ATP10B: variants seen among roughly 807,000 people sequenced by gnomAD.
The protein encoded by ATP10B is ATPase phospholipid transporting 10B (putative), also known as phospholipid-transporting ATPase VB.
In ATP10B, 122 loss-of-function variants were observed where a neutral mutation model predicts 141.2. The observed-to-expected ratio is 0.86, with a 90% CI of 0.75 to 1.00. The LOEUF (loss-of-function observed/expected upper bound fraction) is 1.00, where lower values mean the gene tolerates loss of function less well. ATP10B is among the 50% of genes least tolerant of loss of function. The pLI is 0.00. For missense variants in ATP10B, 1,876 were observed against 1,825.3 expected (o/e 1.03, Z -0.51); for synonymous variants, 685 against 692.0 (o/e 0.99, Z 0.16).
rs1394175567 is a variant in ATP10B at position 160,685,106 on chromosome 5, G to A, written c.470+973C>T. ...TTGCTGGTCTTGATTTGATTCCCAC[G>A]ATGATGTCTGTTGGGGTTCTCTTTG... On this transcript the variant is annotated intron_variant, in intron 6 of 25. Coordinates refer to ENST00000327245, the MANE Select transcript of ATP10B (RefSeq NM_025153.3). The A allele has an allele frequency of 4.3e-6, 3 of 703,408 alleles. No homozygotes were observed. The East Asian group carries it at 8.0e-5, about 19-fold the overall frequency. 43.6% of individuals were successfully genotyped at this position (703,408 alleles called of 1,614,324 possible). A position where few individuals can be genotyped will look rare whatever the true frequency, so the allele number is the denominator to read the frequency against.
At chr5:160,591,891 G>T (rs564298409) in intron 22 of ATP10B, among the ~76,000 whole-genome samples, 3 of 152,260 alleles carry the variant, frequency 2.0e-5, no homozygotes, top group Non-Finnish European at 4.4e-5. Flanking sequence ...TCTCCTCTTG[G>T]CTTTGGGCTA....
At chr5:160,911,129 C>A in the ATP10B span, among the ~76,000 whole-genome samples, 1 of 152,210 alleles carries the variant, frequency 6.6e-6, no homozygotes, top group Admixed American at 6.5e-5. Context: ...GTGGTAGAGG[C>A]TGACTTTCAA....
At chr5:160,683,046 A>ACCCCC (rs1561748531) in intron 6 of ATP10B, among the ~76,000 whole-genome samples, 134 of 146,380 alleles carry the variant, frequency 9.2e-4, no homozygotes, top group Middle Eastern at 3.4e-3. Context: ...CCCCCAAAAA[A>ACCCCC]AAAAAAAAAA....
chr5:160,627,130 TG>T (rs1292460323), intron 13 of ATP10B, among the ~76,000 whole-genome samples: 1 of 152,186 alleles, frequency 6.6e-6, no homozygotes. Context: ...CCTCACTAGG[TG>T]GTCTCCTTAT....
At chr5:160,707,054 A>T (rs752032658) in intron 3 of ATP10B, among the ~76,000 whole-genome samples, 2 of 151,998 alleles carry the variant, frequency 1.3e-5, no homozygotes, top group Non-Finnish European at 1.5e-5. Context: ...AGGTTCAAGC[A>T]ATTCTCCCAC....
intron 17 of ATP10B, chr5:160,613,969 T>G (rs1757864123): frequency 6.6e-6 from 1 of 152,026 alleles, no homozygotes; most frequent in Admixed American, 6.6e-5. Context: ...TTACGTTGGA[T>G]GCATATTGAA....
At chr5:160,880,690 GA>G in the ATP10B span, among the ~76,000 whole-genome samples, 1 of 152,042 alleles carries the variant, frequency 6.6e-6, no homozygotes, top group Non-Finnish European at 1.5e-5. Flanking sequence ...TAATACAATG[GA>G]ACAAAGACTG....
At chr5:160,577,519 G>A (rs1755267066) in intron 24 of ATP10B, among the ~76,000 whole-genome samples, 1 of 152,184 alleles carries the variant, frequency 6.6e-6, no homozygotes, top group African/African-American at 2.4e-5. Context: ...ACTTAAGACA[G>A]ATCATTATTG....
At chr5:160,674,244 G>A (rs372446363) in intron 6 of ATP10B, among the ~76,000 whole-genome samples, 1 of 152,176 alleles carries the variant, frequency 6.6e-6, no homozygotes, top group African/African-American at 2.4e-5. Context: ...CAAGGCCAAT[G>A]CACCTCCACC....
At chr5:160,900,907 AG>A in the ATP10B span, among the ~76,000 whole-genome samples, 32 of 98,124 alleles carry the variant, frequency 3.3e-4, no homozygotes, top group African/African-American at 9.7e-4. Context: ...GGGGTAGAGA[AG>A]TTTTTTTTTT....
At chr5:160,728,348 C>T (rs1170144543) in intron 2 of ATP10B, among the ~76,000 whole-genome samples, 1 of 152,146 alleles carries the variant, frequency 6.6e-6, no homozygotes, top group Non-Finnish European at 1.5e-5. Flanking sequence ...CTTAACAAAC[C>T]TCTATTGATT....
chr5:160,650,002 G>A (rs888876817), intron 7 of ATP10B, among the ~76,000 whole-genome samples: 2 of 151,664 alleles, frequency 1.3e-5, no homozygotes, highest in East Asian at 1.9e-4. Context: ...TCAGCTACTC[G>A]GGAGGCTGAG....
chr5:160,809,424 T>TTA (rs1561876790), intron 1 of ATP10B, among the ~76,000 whole-genome samples: 2 of 152,156 alleles, frequency 1.3e-5, no homozygotes, highest in Non-Finnish European at 2.9e-5. Context: ...CACGTAATAA[T>TTA]TATATATATT....
chr5:160,878,697 C>T, the ATP10B span, among the ~76,000 whole-genome samples: 1 of 152,264 alleles, frequency 6.6e-6, no homozygotes, highest in Admixed American at 6.5e-5. Context: ...AAGAACAAAA[C>T]AAACAACCCC....
In ATP10B at chr5:160,566,751, G is replaced by A. The variant is rs1003282107; in HGVS notation, c.3939-851C>T. 5.9e-5 allele frequency among the ~76,000 whole-genome samples: 9 copies of A among 152,198 alleles called. 1 individual carries two copies. The highest frequency in any genetic ancestry group is 1.7e-4 in the African/African-American group (7 of 41,460). Reference sequence around the variant, plus strand: ...AAATATACACAAGCCGTGGCAGTGGGCAACTCACATCCACTTTCCAGATGT... The same window carrying A: ...AAATATACACAAGCCGTGGCAGTGGACAACTCACATCCACTTTCCAGATGT... On this transcript the variant is annotated intron_variant, in intron 25 of 25. Coordinates refer to ENST00000327245, the MANE Select transcript of ATP10B (RefSeq NM_025153.3).
intron 2 of ATP10B, among the ~76,000 whole-genome samples, chr5:160,783,408 CTATCCATGGATATATCCATGGATAGATA>C (rs1561848608): frequency 1.8e-5 from 2 of 109,680 alleles, no homozygotes; most frequent in African/African-American, 3.5e-5. Flanking sequence ...ATGGATATAT[CTATCCATGGATATATCCATGGATAGATA>C]TATCCATCAC....
At chr5:160,661,005 G>A (rs559662258) in intron 7 of ATP10B, among the ~76,000 whole-genome samples, 109 of 152,250 alleles carry the variant, frequency 7.2e-4, no homozygotes, top group African/African-American at 2.5e-3. Flanking sequence ...TGACCAACAT[G>A]GAGAAACCCC....
intron 6 of ATP10B, among the ~76,000 whole-genome samples, chr5:160,674,257 T>G (rs904206593): frequency 6.6e-6 from 1 of 152,216 alleles, no homozygotes; most frequent in Non-Finnish European, 1.5e-5. Context: ...CCTCCACCCA[T>G]GAACACTGAA....
chr5:160,770,995 G>A (rs1178643996), intron 2 of ATP10B, among the ~76,000 whole-genome samples: 1 of 152,154 alleles, frequency 6.6e-6, no homozygotes, highest in East Asian at 1.9e-4. Context: ...ACCCTCAAAA[G>A]TGACTGAGGC....
Sources: allele counts gnomAD v4.1 joint callset (sites outside exome capture counted in the v4.1 genomes callset), GRCh38; gene constraint gnomAD v4.1.1; transcripts MANE v1.5; gene names NCBI Gene and HGNC (gene_info 2026-07-23, HGNC 2026-07-21).